Variants in ONECUT3 observed in about 807,000 individuals in gnomAD.
The protein encoded by ONECUT3 is one cut homeobox 3.
In ONECUT3, 11 loss-of-function variants were observed where a neutral mutation model predicts 16.8. The ratio of observed to expected loss-of-function variants is 0.66; its 90% CI spans 0.41 to 1.09. ONECUT3 has a LOEUF of 1.09. Ranked by LOEUF, ONECUT3 falls within the 50% of genes least tolerant of loss-of-function variation. The pLI is 0.00. For missense variants in ONECUT3, 637 were observed against 629.9 expected (o/e 1.01, Z -0.12); for synonymous variants, 344 against 310.7 (o/e 1.11, Z -1.13).
chr19:1,754,725 A>T lies in ONECUT3; in HGVS notation c.1063A>T (p.Thr355Ser). ...AQRILCRSQG[T>S]LSDLLRNPKP... ...GCGGATCCTGTGTCGCTCTCAGGGC[A>T]CGCTCTCCGACCTGCTGCGCAACCC... The change falls in exon 1 of 2, where the codon ACG becomes TCG. Residue 355 changes from threonine (T) to serine (S), a missense_variant. By Grantham distance (58) the Thr-to-Ser change is moderately conservative. Coordinates refer to ENST00000382349, the MANE Select transcript of ONECUT3 (RefSeq NM_001080488.2). The surrounding 1 kb of genome is among the most constrained non-coding windows in gnomAD (Gnocchi z 7.4). 2 of 1,550,506 alleles carry T rather than the reference A, an allele frequency of 1.3e-6. No homozygotes were observed. Among genetic ancestry groups the T allele is most frequent in the Non-Finnish European group, 1.7e-6 (2 of 1,150,622 alleles).
chr19:1,759,520 GGA>G lies in ONECUT3; in HGVS notation c.1192+4672_1192+4673del, dbSNP rs948370395. Among the ~76,000 whole-genome samples the G allele has an allele frequency of 6.6e-6, 1 of 152,044 alleles. No individual in the cohort carries two copies. The highest frequency in any genetic ancestry group is 2.4e-5 in the African/African-American group (1 of 41,394). The stretch of plus-strand genomic sequence containing the variant: ...GGAGAGGGAAGGGAGGGAAGGAAGG[GGA>G]GAGAGGAGAGAGGGAAAGACCCCTG... On this transcript the variant is annotated intron_variant, in intron 1 of 1. Coordinates refer to ENST00000382349, the MANE Select transcript of ONECUT3 (RefSeq NM_001080488.2). This position sits in a 1 kb window ranked among gnomAD's most constrained non-coding sequence, Gnocchi z 4.1.
intron 1 of ONECUT3, among the ~76,000 whole-genome samples, chr19:1,763,257 C>T (rs1288983398): frequency 6.7e-6 from 1 of 150,084 alleles, no homozygotes; most frequent in South Asian, 2.1e-4. Context: ...CCAGCTACTC[C>T]GGAGGCTGCG....
At position 1,756,641 on chromosome 19, in the gene ONECUT3, C is replaced by T. The variant is rs142775338; in HGVS notation, c.1192+1787C>T. 7.3e-3 allele frequency among the ~76,000 whole-genome samples: 1,110 copies of T among 151,524 alleles called. 19 individuals are homozygous for T. The highest frequency in any genetic ancestry group is 0.026 in the African/African-American group (1,072 of 41,260). On this transcript the variant is annotated intron_variant, in intron 1 of 1. Coordinates refer to ENST00000382349, the MANE Select transcript of ONECUT3 (RefSeq NM_001080488.2). Reference sequence around the variant, plus strand: ...GCCTCCCAGGTTCAAGCGATTCTTCCGCCTTAGCCTCCTGAATAGCTGGGA... The same window carrying T: ...GCCTCCCAGGTTCAAGCGATTCTTCTGCCTTAGCCTCCTGAATAGCTGGGA...
chr19:1,754,351 C>T lies in ONECUT3; in HGVS notation c.689C>T (p.Pro230Leu), dbSNP rs2067905127. Residue 230 changes from proline to leucine, a missense_variant, in exon 1 of 2, where the codon CCG becomes CTG. Physicochemically the swap from Pro to Leu is moderately conservative, Grantham distance 98. This residue lies in a region of ONECUT3 where 419 missense variants were observed against 377.9 expected (regional missense o/e 1.11). Transcript: ENST00000382349. This position sits in a 1 kb window ranked among gnomAD's most constrained non-coding sequence, Gnocchi z 7.4. ...PPPPPLAAYG[P>L]PGHLAGDKLL... ...CCCCCGCCGCTGGCCGCCTACGGCC[C>T]GCCAGGCCACCTGGCTGGGGACAAG... is the stretch of plus-strand genomic sequence containing the variant. 6 of 1,083,080 alleles carry T rather than the reference C, an allele frequency of 5.5e-6. No homozygotes were observed. The highest frequency in any genetic ancestry group is 6.7e-6 in the Non-Finnish European group (6 of 890,794). 67.1% of individuals were successfully genotyped at this position (1,083,080 alleles called of 1,614,324 possible). A position where few individuals can be genotyped will look rare whatever the true frequency, so the allele number is the denominator to read the frequency against.
chr19:1,777,914 G>C lies in ONECUT3; in HGVS notation c.*2469G>C, dbSNP rs976119869. On this transcript the variant is annotated 3_prime_UTR_variant, in exon 2 of 2. Transcript: ENST00000382349. ...GGAGGCTGAGGCAGGAGAATCTCTT[G>C]AAACTGGAAGGCAGAGGTTGCAGTG... 6.5e-5 allele frequency: 9 copies of C among 139,108 alleles called. No homozygotes were observed. The highest frequency in any genetic ancestry group is 2.5e-4 in the African/African-American group (9 of 36,486). The allele number at this position is 139,108 out of a possible 1,614,324, so 8.6% of individuals were successfully genotyped here.
At position 1,780,790 on chromosome 19, in the gene ONECUT3, G is replaced by A. The variant is rs950458365; in HGVS notation, c.*5345G>A. 3.9e-5 allele frequency: 6 copies of A among 152,336 alleles called. No individual in the cohort carries two copies. The South Asian group carries it at 1.2e-3, about 32-fold the overall frequency. 9.4% of individuals were successfully genotyped at this position (152,336 alleles called of 1,614,324 possible). On this transcript the variant is annotated 3_prime_UTR_variant, in exon 2 of 2. Coordinates refer to ENST00000382349, the MANE Select transcript of ONECUT3 (RefSeq NM_001080488.2). ...ACGCAGGGGCTGGTTTTGGTGGAAT[G>A]AGCTCAGCCGGGGGTGACGGAAGAG...
At chr19:1,768,364 G>A (rs775933330) in intron 1 of ONECUT3, among the ~76,000 whole-genome samples, 48 of 152,130 alleles carry the variant, frequency 3.2e-4, no homozygotes, top group Non-Finnish European at 5.3e-4. Context: ...GCCAGCGGGG[G>A]AGGCCAGACA....
chr19:1,777,022 A>AAGAGAGAG lies in ONECUT3; in HGVS notation c.*1588_*1595dup, dbSNP rs57734759. The AAGAGAGAG allele has an allele frequency of 1.5e-5, 2 of 136,378 alleles. No individual in the cohort carries two copies. Among genetic ancestry groups the AAGAGAGAG allele is most frequent in the African/African-American group, 2.7e-5 (1 of 37,020 alleles). 8.4% of individuals were successfully genotyped at this position (136,378 alleles called of 1,614,324 possible). Reference sequence around the variant, plus strand: ...CACCCCTTCCCGAACCTGAGAGCGAAAGAGAGAGAGAGAGAGAGGGAGAGA... The same window carrying AAGAGAGAG: ...CACCCCTTCCCGAACCTGAGAGCGAAAGAGAGAGAGAGAGAGAGAGAGAGAGGGAGAGA... On this transcript the variant is annotated 3_prime_UTR_variant, in exon 2 of 2. Transcript: ENST00000382349.
At chr19:1,772,686 C>CTTTTTT (rs201848533) in intron 1 of ONECUT3, among the ~76,000 whole-genome samples, 158 of 64,008 alleles carry the variant, frequency 2.5e-3, no homozygotes, top group African/African-American at 3.3e-3. Context: ...CTGCTTTACT[C>CTTTTTT]TTTTTTTTTT....
Position 1,754,622 on chromosome 19 carries a change from G to T in ONECUT3, c.960G>T (p.Glu320Asp). 14 of 1,476,400 alleles carry T rather than the reference G, an allele frequency of 9.5e-6. No homozygotes were observed. Among genetic ancestry groups the T allele is most frequent in the Non-Finnish European group, 1.3e-5 (14 of 1,113,808 alleles). 91.5% of individuals were successfully genotyped at this position (1,476,400 alleles called of 1,614,324 possible). ...GGPSAGAAAE[E>D]INTKEVAQRI... ...CCAGCGCGGGCGCAGCGGCCGAGGA[G>T]ATCAACACCAAGGAGGTGGCGCAGC... is the stretch of plus-strand genomic sequence containing the variant. The change falls in exon 1 of 2, where the codon GAG (glutamate) becomes GAT (aspartate). Residue 320 changes from glutamate to aspartate, a missense_variant. This residue lies in a region of ONECUT3 where 35 missense variants were observed against 63.8 expected (regional missense o/e 0.55). Transcript: ENST00000382349. This position sits in a 1 kb window ranked among gnomAD's most constrained non-coding sequence, Gnocchi z 7.4.
intron 1 of ONECUT3, among the ~76,000 whole-genome samples, chr19:1,756,122 G>A (rs1157892435): frequency 2.6e-5 from 4 of 152,168 alleles, no homozygotes; most frequent in Non-Finnish European, 5.9e-5. Flanking sequence ...GGGGGGCTGG[G>A]CGAAGAGAGG....
In ONECUT3 at chr19:1,758,788, C is replaced by T. The variant is rs1006105314; in HGVS notation, c.1192+3934C>T. Among the ~76,000 whole-genome samples, 1 of 145,514 alleles carries T rather than the reference C, an allele frequency of 6.9e-6. No homozygotes were observed. The highest frequency in any genetic ancestry group is 2.1e-4 in the East Asian group (1 of 4,716). On this transcript the variant is annotated intron_variant, in intron 1 of 1. Coordinates refer to ENST00000382349, the MANE Select transcript of ONECUT3 (RefSeq NM_001080488.2). This position sits in a 1 kb window ranked among gnomAD's most constrained non-coding sequence, Gnocchi z 5.9. ...CTGGGGGAGGGGCGGGCGGGCTCCT[C>T]GGCGGGGGTGGGGGCGGTCGATGAA...
Position 1,777,989 on chromosome 19 carries a change from C to G in ONECUT3, c.*2544C>G, listed in dbSNP as rs376338796. The G allele has an allele frequency of 3.2e-3, 410 of 126,832 alleles. 5 individuals carry two copies. The highest frequency in any genetic ancestry group is 0.013 in the African/African-American group (384 of 30,004). The allele number at this position is 126,832 out of a possible 1,614,324, so 7.9% of individuals were successfully genotyped here. A position where few individuals can be genotyped will look rare whatever the true frequency, so the allele number is the denominator to read the frequency against. Reference sequence around the variant, plus strand: ...TAGCCTGGGCAACGAGAGCAAAACTCCCTCTCAAAAAAAAAAAAAAAAAAA... The same window carrying G: ...TAGCCTGGGCAACGAGAGCAAAACTGCCTCTCAAAAAAAAAAAAAAAAAAA... On this transcript the variant is annotated 3_prime_UTR_variant, in exon 2 of 2. Transcript: ENST00000382349.
Position 1,753,695 on chromosome 19 carries a change from G to A in ONECUT3, c.33G>A (p.Leu11=), listed in dbSNP as rs1382116355. ...TGAGCCTGGAGAGCCTGGGGGGCCT[G>A]CACAGCGTGGCCCACGCGCAGGCGG... MELSLESLGG[L]HSVAHAQAGE... is the part of the protein sequence containing the mutation. Residue 11 remains leucine (L), a synonymous_variant, in exon 1 of 2, where the codon CTG becomes CTA. Coordinates refer to ENST00000382349, the MANE Select transcript of ONECUT3 (RefSeq NM_001080488.2). 9.5e-7 allele frequency: 1 copy of A among 1,048,874 alleles called. No individual in the cohort carries two copies. 65.0% of individuals were successfully genotyped at this position (1,048,874 alleles called of 1,614,324 possible).
At position 1,775,484 on chromosome 19, in the gene ONECUT3, G is replaced by A; in HGVS notation, c.*39G>A. 1 of 1,422,694 alleles carries A rather than the reference G, an allele frequency of 7.0e-7. No individual in the cohort carries two copies. The highest frequency in any genetic ancestry group is 9.1e-7 in the Non-Finnish European group (1 of 1,096,426). The allele number at this position is 1,422,694 out of a possible 1,614,324, so 88.1% of individuals were successfully genotyped here. A position where few individuals can be genotyped will look rare whatever the true frequency, so the allele number is the denominator to read the frequency against. On this transcript the variant is annotated 3_prime_UTR_variant, in exon 2 of 2. Transcript: ENST00000382349. ...CGCGCCCTCCCTGCCTCCACGGCCT[G>A]GGCGCTGTGCCCCCACGTCACCTCC...
chr19:1,768,140 G>A (rs1266109293), intron 1 of ONECUT3, among the ~76,000 whole-genome samples: 1 of 152,066 alleles, frequency 6.6e-6, no homozygotes, highest in Non-Finnish European at 1.5e-5. Flanking sequence ...ACTCAATGGG[G>A]CCCCTGGACA....
At position 1,778,010 on chromosome 19, in the gene ONECUT3, A is replaced by AC. The variant is rs2068126121; in HGVS notation, c.*2565_*2566insC. 6.6e-6 allele frequency: 1 copy of AC among 151,736 alleles called. No individual in the cohort carries two copies. The highest frequency in any genetic ancestry group is 1.5e-5 in the Non-Finnish European group (1 of 67,964). The allele number at this position is 151,736 out of a possible 1,614,324, so 9.4% of individuals were successfully genotyped here. ...AACTCCCTCTCAAAAAAAAAAAAAA[A>AC]AAAAAAAACTTTAGGTCCAAGAAGA... On this transcript the variant is annotated 3_prime_UTR_variant, in exon 2 of 2. Transcript: ENST00000382349.
intron 1 of ONECUT3, among the ~76,000 whole-genome samples, chr19:1,765,895 C>A (rs967220338): frequency 2.6e-5 from 4 of 152,194 alleles, no homozygotes; most frequent in Non-Finnish European, 5.9e-5. Context: ...ACACCGCAGG[C>A]TTCTGCGGGG....
rs1034651294 is a variant in ONECUT3, at chr19:1,762,911, G to T, written c.1192+8057G>T. Among the ~76,000 whole-genome samples the T allele has an allele frequency of 8.5e-5, 13 of 152,132 alleles. No homozygotes were observed. Among genetic ancestry groups the T allele is most frequent in the Non-Finnish European group, 1.5e-4 (10 of 68,020 alleles). On this transcript the variant is annotated intron_variant, in intron 1 of 1. Coordinates refer to ENST00000382349, the MANE Select transcript of ONECUT3 (RefSeq NM_001080488.2). The surrounding 1 kb of genome is among the most constrained non-coding windows in gnomAD (Gnocchi z 4.4). ...CCACCTCCCTTGTTTTTGCTCCCTG[G>T]TTCCCTAAAATATTCTACATTCTTT...
Sources: gnomAD v4.1 joint callset for allele counts (sites outside exome capture counted in the v4.1 genomes callset) on GRCh38, gnomAD v4.1.1 for gene constraint, gnomAD v4.1.1 regional missense constraint, Gnocchi (gnomAD v3.1) non-coding constraint, MANE v1.5 for transcripts, NCBI Gene and HGNC (gene_info 2026-07-23, HGNC 2026-07-21) for gene names.